SDK1: variants seen among roughly 807,000 people sequenced by gnomAD.
The protein encoded by SDK1 is protein sidekick-1.
In SDK1, 157 loss-of-function variants were observed where a neutral mutation model predicts 245.5. That is an observed-to-expected ratio of 0.64 (90% CI 0.56 to 0.73). The LOEUF (loss-of-function observed/expected upper bound fraction) is 0.73. SDK1 is among the 30% of genes least tolerant of loss of function. The pLI, the probability that SDK1 is intolerant of heterozygous loss-of-function variation, is 0.00. For synonymous variants in SDK1, 1,647 were observed against 1,278.5 expected, an observed-to-expected ratio of 1.29 and a Z score of -6.15; for missense variants, 3,583 against 3,002.3, an observed-to-expected ratio of 1.19 and a Z score of -4.52.
chr7:4,116,092 G>A (rs921695404), intron 25 of SDK1, among the ~76,000 whole-genome samples: 10 of 152,128 alleles, frequency 6.6e-5, no homozygotes, highest in Non-Finnish European at 1.3e-4. Flanking sequence ...CAGGGCTCCC[G>A]GGCCTGGCCT....
chr7:3,440,397 C>T (rs1020655726), intron 1 of SDK1, among the ~76,000 whole-genome samples: 2 of 152,030 alleles, frequency 1.3e-5, no homozygotes, highest in Non-Finnish European at 2.9e-5. Flanking sequence ...TGGTAAGCTG[C>T]GAAGGTTCGG....
At chr7:3,388,993 A>T (rs1456310622) in intron 1 of SDK1, among the ~76,000 whole-genome samples, 1 of 152,216 alleles carries the variant, frequency 6.6e-6, no homozygotes, top group Non-Finnish European at 1.5e-5. Context: ...TTATCCTGTG[A>T]TACAGAATCA....
chr7:3,405,177 C>CAAA (rs112514507), intron 1 of SDK1, among the ~76,000 whole-genome samples: 1 of 139,030 alleles, frequency 7.2e-6, no homozygotes, highest in African/African-American at 2.9e-5. Context: ...AAAACAAAAA[C>CAAA]AAAAACAAAA....
intron 25 of SDK1, among the ~76,000 whole-genome samples, chr7:4,115,304 C>G (rs894159093): frequency 3.3e-5 from 5 of 152,148 alleles, no homozygotes; most frequent in Admixed American, 1.3e-4. Flanking sequence ...CTGGACTAAC[C>G]TAGGCTGTTA....
At chr7:3,431,000 A>G (rs1004059098) in intron 1 of SDK1, among the ~76,000 whole-genome samples, 1 of 152,190 alleles carries the variant, frequency 6.6e-6, no homozygotes, top group African/African-American at 2.4e-5. Flanking sequence ...TCTCGGGTTC[A>G]AGTGATTCTT....
chr7:3,963,846 C>T lies in SDK1; in HGVS notation c.1429+995C>T, dbSNP rs1262152378. 3.3e-5 allele frequency among the ~76,000 whole-genome samples: 5 copies of T among 152,226 alleles called. No homozygotes were observed. The South Asian group carries it at 6.2e-4, about 19-fold the overall frequency. ...AGGCCGACGGCTACCCAGATGTATC[C>T]AGTGGGTACACCTAAGCTCACGGCT... On this transcript the variant is annotated intron_variant, in intron 9 of 44. Coordinates refer to ENST00000404826, the MANE Select transcript of SDK1 (RefSeq NM_152744.4).
At position 3,357,517 on chromosome 7, in the gene SDK1, AT is replaced by A. The variant is rs570887224; in HGVS notation, c.298+55644del. Among the ~76,000 whole-genome samples the A allele has an allele frequency of 1.4e-3, 202 of 143,442 alleles. No homozygotes were observed. The South Asian group carries it at 0.014, about 10-fold the overall frequency. The allele number at this position is 143,442 out of a possible 152,430, so 94.1% of individuals were successfully genotyped here. On this transcript the variant is annotated intron_variant, in intron 1 of 44. Transcript: ENST00000404826. ...GGTGCATGCCACGATACCTGGCTTA[AT>A]TTTTTTTTTTGTAGAGATGGGGTCT...
At chr7:3,646,858 T>C (rs2880087) in intron 4 of SDK1, among the ~76,000 whole-genome samples, 6 of 151,872 alleles carry the variant, frequency 4.0e-5, no homozygotes, top group Admixed American at 3.9e-4. Context: ...GTGGAAAAGG[T>C]TAAATACCTT....
At chr7:4,045,329 A>G (rs531009621) in intron 17 of SDK1, among the ~76,000 whole-genome samples, 23 of 151,980 alleles carry the variant, frequency 1.5e-4, no homozygotes, top group Non-Finnish European at 3.4e-4. Context: ...TGCAGCCTCA[A>G]CCTCCTGAGC....
At chr7:4,259,791 C>T (rs975210275) in intron 44 of SDK1, among the ~76,000 whole-genome samples, 1 of 152,176 alleles carries the variant, frequency 6.6e-6, no homozygotes, top group Non-Finnish European at 1.5e-5. Context: ...GGTTGTACAC[C>T]TGTTGCGCGG....
intron 5 of SDK1, among the ~76,000 whole-genome samples, chr7:3,934,284 C>A (rs1479821521): frequency 1.3e-5 from 2 of 152,082 alleles, no homozygotes; most frequent in African/African-American, 4.8e-5. Context: ...TTTTTTCTTT[C>A]TCTCCTGTGT....
chr7:3,321,407 C>G (rs927951752), intron 1 of SDK1, among the ~76,000 whole-genome samples: 2 of 152,266 alleles, frequency 1.3e-5, no homozygotes, highest in Admixed American at 6.5e-5. Flanking sequence ...TGTACTACCT[C>G]TGGCTCTAGA....
chr7:3,709,696 G>GA lies in SDK1; in HGVS notation c.713+67598dup, dbSNP rs578194537. Among the ~76,000 whole-genome samples, 6 of 152,008 alleles carry GA rather than the reference G, an allele frequency of 3.9e-5. No individual in the cohort carries two copies. The East Asian group carries it at 9.7e-4, about 24-fold the overall frequency. On this transcript the variant is annotated intron_variant, in intron 4 of 44. Transcript: ENST00000404826. The stretch of plus-strand genomic sequence containing the variant: ...AACACTGCCTCCAATCCACCATATT[G>GA]AAAAAAAGAAGTTTTCCTATTTTTA...
intron 4 of SDK1, among the ~76,000 whole-genome samples, chr7:3,779,239 G>T (rs906852393): frequency 2.6e-5 from 4 of 152,176 alleles, no homozygotes; most frequent in South Asian, 4.1e-4. Context: ...TGGCCAACTT[G>T]TCTCTCCTAC....
At chr7:4,032,670 G>A (rs1351973283) in intron 17 of SDK1, among the ~76,000 whole-genome samples, 2 of 152,186 alleles carry the variant, frequency 1.3e-5, no homozygotes, top group African/African-American at 4.8e-5. Flanking sequence ...GACTTCATAT[G>A]CACAAGCAAA....
At chr7:3,978,119 G>C (rs1009562834) in intron 13 of SDK1, among the ~76,000 whole-genome samples, 1 of 151,906 alleles carries the variant, frequency 6.6e-6, no homozygotes, top group Admixed American at 6.6e-5. Flanking sequence ...TAATATAGGA[G>C]GATATGGCCA....
At chr7:4,008,105 A>AT (rs1785637970) in intron 14 of SDK1, among the ~76,000 whole-genome samples, 1 of 152,004 alleles carries the variant, frequency 6.6e-6, no homozygotes, top group Non-Finnish European at 1.5e-5. Flanking sequence ...GTCTCTGTGA[A>AT]TTTGTTCTAG....
chr7:3,350,914 T>C (rs7804333), intron 1 of SDK1, among the ~76,000 whole-genome samples: 42,719 of 152,102 alleles, frequency 0.28, 6,140 homozygotes, highest in East Asian at 0.38. Context: ...AACTGGTTTA[T>C]ATTTTGAGCT....
At chr7:3,507,982 T>G (rs1305906793) in intron 1 of SDK1, among the ~76,000 whole-genome samples, 1 of 152,202 alleles carries the variant, frequency 6.6e-6, no homozygotes, top group Admixed American at 6.6e-5. Context: ...CTGACTGTCC[T>G]GGAATCCTCT....
Sources: allele counts gnomAD v4.1 joint callset (sites outside exome capture counted in the v4.1 genomes callset), GRCh38; gene constraint gnomAD v4.1.1; transcripts MANE v1.5; gene names NCBI Gene and HGNC (gene_info 2026-07-23, HGNC 2026-07-21).